Variants in KBTBD11 observed in about 807,000 individuals in gnomAD.
KBTBD11 encodes kelch repeat and BTB domain-containing protein 11.
For synonymous variants in KBTBD11, 747 were observed against 499.0 expected (o/e 1.50, Z -6.63); for missense variants, 1,390 against 1,001.8 (o/e 1.39, Z -5.23).
chr8:1,974,648 C>T (rs1415311554), intron 1 of KBTBD11: 3 of 985,242 alleles, frequency 3.0e-6, no homozygotes, highest in Non-Finnish European at 3.6e-6. Flanking sequence ...GCCGGGCGCC[C>T]CTTGCAGCCC....
chr8:1,975,271 C>G (rs1161921552), intron 1 of KBTBD11: 1 of 152,276 alleles, frequency 6.6e-6, no homozygotes, highest in Non-Finnish European at 1.5e-5. Context: ...ACAGGCATTG[C>G]TGGCCATAGC....
intron 1 of KBTBD11, among the ~76,000 whole-genome samples, chr8:1,991,540 G>A (rs1196545315): frequency 6.6e-6 from 1 of 152,166 alleles, no homozygotes; most frequent in Non-Finnish European, 1.5e-5. Flanking sequence ...CTCGATTCCA[G>A]CTCTGTGATC....
chr8:1,981,795 C>T (rs1028484504), intron 1 of KBTBD11, among the ~76,000 whole-genome samples: 1 of 152,234 alleles, frequency 6.6e-6, no homozygotes, highest in South Asian at 2.1e-4. Flanking sequence ...GGACTTGCAT[C>T]AGTGGTCCCC....
intron 1 of KBTBD11, among the ~76,000 whole-genome samples, chr8:1,993,958 C>CACACACAAAAAAAA (rs1554527404): frequency 6.8e-6 from 1 of 148,134 alleles, no homozygotes; most frequent in South Asian, 2.1e-4. Flanking sequence ...CACACACACA[C>CACACACAAAAAAAA]AAAACCCCAT....
Position 2,006,841 on chromosome 8 carries a change from G to A in KBTBD11, c.*3777G>A, listed in dbSNP as rs915525073. ...CTGTGTAGTTAATGTATTTATTAAT[G>A]CTTGACTTTTAAAATCCTGGGCATA... is the stretch of plus-strand genomic sequence containing the variant. On this transcript the variant is annotated 3_prime_UTR_variant, in exon 2 of 2. Transcript: ENST00000320248. 3 of 167,064 alleles carry A rather than the reference G, an allele frequency of 1.8e-5. No homozygotes were observed. Among genetic ancestry groups the A allele is most frequent in the African/African-American group, 7.2e-5 (3 of 41,472 alleles). 10.3% of individuals were successfully genotyped at this position (167,064 alleles called of 1,614,324 possible).
chr8:1,997,274 C>T (rs1013977679), intron 1 of KBTBD11, among the ~76,000 whole-genome samples: 2 of 152,172 alleles, frequency 1.3e-5, no homozygotes, highest in Non-Finnish European at 2.9e-5. Flanking sequence ...AAATCCCTGA[C>T]TTCCCATCCA....
In KBTBD11 at chr8:2,001,809, A is replaced by C; in HGVS notation, c.617A>C (p.Glu206Ala). Residue 206 changes from glutamate (E) to alanine (A), a missense_variant, in exon 2 of 2, where the codon GAG (glutamate) becomes GCG (alanine). Physicochemically the swap from Glu to Ala is moderately radical, Grantham distance 107. Transcript: ENST00000320248. ...MAGVRPDNVAEVVAGARRLQL... is the reference protein window; with the variant it reads ...MAGVRPDNVAAVVAGARRLQL... ...GGCGTGCGGCCCGACAACGTGGCCG[A>C]GGTGGTGGCCGGCGCGCGCCGCCTG... 5 of 1,235,302 alleles carry C rather than the reference A, an allele frequency of 4.0e-6. No individual in the cohort carries two copies. The highest frequency in any genetic ancestry group is 5.0e-6 in the Non-Finnish European group (5 of 993,294). The allele number at this position is 1,235,302 out of a possible 1,614,324, so 76.5% of individuals were successfully genotyped here. A position where few individuals can be genotyped will look rare whatever the true frequency, so the allele number is the denominator to read the frequency against.
chr8:1,978,978 G>T (rs1489436459), intron 1 of KBTBD11, among the ~76,000 whole-genome samples: 2 of 152,202 alleles, frequency 1.3e-5, no homozygotes, highest in African/African-American at 4.8e-5. Flanking sequence ...ACAGTGCACA[G>T]CCCTGGGCAG....
rs569137543 is a variant in KBTBD11, at chr8:1,977,208, C to CT, written c.-909+3274dup. Among the ~76,000 whole-genome samples, 161 of 152,166 alleles carry CT rather than the reference C, an allele frequency of 1.1e-3. 1 individual carries two copies. Among genetic ancestry groups the CT allele is most frequent in the Non-Finnish European group, 1.5e-3 (105 of 68,018 alleles). On this transcript the variant is annotated intron_variant, in intron 1 of 1. Transcript: ENST00000320248. ...TGGAGACCCCTGCTTTAGAGCTTGA[C>CT]TGAGTTTCATATGGATTAATTTTGT...
chr8:1,995,341 C>A (rs1305917529), intron 1 of KBTBD11, among the ~76,000 whole-genome samples: 2 of 152,098 alleles, frequency 1.3e-5, no homozygotes, highest in African/African-American at 4.8e-5. Context: ...TTTTCTCATT[C>A]CCCAGGACAG....
Position 2,006,489 on chromosome 8 carries a change from A to G in KBTBD11, c.*3425A>G, listed in dbSNP as rs1029015861. 2.4e-5 allele frequency: 4 copies of G among 167,008 alleles called. No individual in the cohort carries two copies. Among genetic ancestry groups the G allele is most frequent in the Admixed American group, 6.5e-5 (1 of 15,288 alleles). The allele number at this position is 167,008 out of a possible 1,614,324, so 10.3% of individuals were successfully genotyped here. ...CTGCAATGTTATTGTTCATAAGAAA[A>G]CACGAGCTGAAAATGGAAATCTGCA... On this transcript the variant is annotated 3_prime_UTR_variant, in exon 2 of 2. Transcript: ENST00000320248.
intron 1 of KBTBD11, among the ~76,000 whole-genome samples, chr8:1,983,989 G>A (rs1816625222): frequency 6.6e-6 from 1 of 152,252 alleles, no homozygotes; most frequent in South Asian, 2.1e-4. Flanking sequence ...AATTAGCTGG[G>A]CGTGGTGGCA....
At chr8:1,987,107 T>C (rs1816730877) in intron 1 of KBTBD11, among the ~76,000 whole-genome samples, 1 of 151,248 alleles carries the variant, frequency 6.6e-6, no homozygotes, top group South Asian at 2.1e-4. Flanking sequence ...CTGGAAGCCC[T>C]GTGGTCCCGT....
intron 1 of KBTBD11, among the ~76,000 whole-genome samples, chr8:1,979,952 A>G (rs902523707): frequency 2.6e-5 from 4 of 152,262 alleles, no homozygotes; most frequent in Admixed American, 6.5e-5. Context: ...GTTTTCTTGC[A>G]TCCTGCCCAG....
chr8:2,001,265 G>C lies in KBTBD11; in HGVS notation c.73G>C (p.Glu25Gln). The C allele has an allele frequency of 6.6e-7, 1 of 1,515,836 alleles. No individual in the cohort carries two copies. Among genetic ancestry groups the C allele is most frequent in the Non-Finnish European group, 8.8e-7 (1 of 1,139,074 alleles). 93.9% of individuals were successfully genotyped at this position (1,515,836 alleles called of 1,614,324 possible). ...EPGAAGESES[E>Q]GAASPAQTPC... ...CGGGGCTGCCGGGGAGAGCGAGAGC[G>C]AGGGCGCCGCGTCCCCGGCGCAGAC... is the stretch of plus-strand genomic sequence containing the variant. The change falls in exon 2 of 2, where the codon GAG becomes CAG. Residue 25 changes from glutamate to glutamine, a missense_variant. Glu to Gln is a conservative substitution (Grantham distance 29). Coordinates refer to ENST00000320248, the MANE Select transcript of KBTBD11 (RefSeq NM_014867.3).
At chr8:1,988,121 C>T (rs560839606) in intron 1 of KBTBD11, among the ~76,000 whole-genome samples, 2 of 152,286 alleles carry the variant, frequency 1.3e-5, no homozygotes, top group South Asian at 4.1e-4. Flanking sequence ...TTTCTTTATC[C>T]AGTCTATCAT....
At chr8:1,983,495 T>A (rs1003691033) in intron 1 of KBTBD11, among the ~76,000 whole-genome samples, 2 of 152,210 alleles carry the variant, frequency 1.3e-5, no homozygotes, top group African/African-American at 4.8e-5. Flanking sequence ...CGGGTTATCT[T>A]GTAACACCCC....
chr8:2,001,101 A>C lies in KBTBD11; in HGVS notation c.-92A>C, dbSNP rs925925550. On this transcript the variant is annotated 5_prime_UTR_variant, in exon 2 of 2. Coordinates refer to ENST00000320248, the MANE Select transcript of KBTBD11 (RefSeq NM_014867.3). ...TGATCGCGTGCCAGGAAAAGCTGTG[A>C]GGCTGGAAACCCCGGAGTAAGGCTC... is the stretch of plus-strand genomic sequence containing the variant. The C allele has an allele frequency of 1.6e-6, 2 of 1,260,620 alleles. No individual in the cohort carries two copies. The highest frequency in any genetic ancestry group is 3.1e-5 in the African/African-American group (2 of 64,454). 78.1% of individuals were successfully genotyped at this position (1,260,620 alleles called of 1,614,324 possible).
Position 2,004,761 on chromosome 8 carries a change from A to G in KBTBD11, c.*1697A>G, listed in dbSNP as rs528918871. On this transcript the variant is annotated 3_prime_UTR_variant, in exon 2 of 2. Coordinates refer to ENST00000320248, the MANE Select transcript of KBTBD11 (RefSeq NM_014867.3). ...CTTGGGAAAGAAAAACAGACTTCAT[A>G]TCGCCTGACTTGATTGGCCTTTTAT... 1 of 167,210 alleles carries G rather than the reference A, an allele frequency of 6.0e-6. No individual in the cohort carries two copies. The highest frequency in any genetic ancestry group is 1.5e-5 in the Non-Finnish European group (1 of 68,122). The allele number at this position is 167,210 out of a possible 1,614,324, so 10.4% of individuals were successfully genotyped here.
Sources: gnomAD v4.1 joint callset for allele counts (sites outside exome capture counted in the v4.1 genomes callset) on GRCh38, gnomAD v4.1.1 for gene constraint, MANE v1.5 for transcripts, NCBI Gene and HGNC (gene_info 2026-07-23, HGNC 2026-07-21) for gene names.